GCH1: variants seen among roughly 807,000 people sequenced by gnomAD.
GCH1 encodes the protein GTP cyclohydrolase 1.
In GCH1, 5 loss-of-function variants were observed where a neutral mutation model predicts 25.9. The ratio of observed to expected loss-of-function variants is 0.19; its 90% confidence interval spans 0.10 to 0.41. The LOEUF is 0.41. Ranked by LOEUF, GCH1 falls within the 10% of genes least tolerant of loss-of-function variation. The pLI is 1.00. For missense variants in GCH1, 261 were observed against 336.5 expected (o/e 0.78, Z 1.75); for synonymous variants, 159 against 129.6 (o/e 1.23, Z -1.54).
At chr14:54,867,703 C>T (rs192242554) in intron 1 of GCH1, among the ~76,000 whole-genome samples, 1 of 150,878 alleles carries the variant, frequency 6.6e-6, no homozygotes, top group East Asian at 2.0e-4. Context: ...GCATAAAGTG[C>T]CTGCTTCACA....
intron 1 of GCH1, among the ~76,000 whole-genome samples, chr14:54,889,695 A>C (rs1439709017): frequency 6.6e-6 from 1 of 152,196 alleles, no homozygotes; most frequent in Non-Finnish European, 1.5e-5. Context: ...AACAAAAAGG[A>C]CAGTAAAATA....
intron 1 of GCH1, among the ~76,000 whole-genome samples, chr14:54,878,950 CAG>C (rs762601105): frequency 6.6e-6 from 1 of 152,010 alleles, no homozygotes; most frequent in Non-Finnish European, 1.5e-5. Flanking sequence ...TTTGTAGAGA[CAG>C]AGTCTCATTA....
chr14:54,867,589 C>CAAAAAAAAAAAAAAA (rs1029899399), intron 1 of GCH1, among the ~76,000 whole-genome samples: 15 of 46,646 alleles, frequency 3.2e-4, no homozygotes, highest in South Asian at 1.3e-3. Flanking sequence ...GACTCCGTCT[C>CAAAAAAAAAAAAAAA]AAAAAAAAAA....
At chr14:54,885,941 C>A in intron 1 of GCH1, 1 of 224,506 alleles carries the variant, frequency 4.5e-6, no homozygotes, top group South Asian at 6.1e-5. Flanking sequence ...TACAGCAGTT[C>A]ACACAACAGC....
chr14:54,858,541 C>A (rs976784763), intron 3 of GCH1, among the ~76,000 whole-genome samples: 2 of 152,120 alleles, frequency 1.3e-5, no homozygotes, highest in Non-Finnish European at 2.9e-5. Context: ...CCGCCTCAGC[C>A]TCCCAAAGTG....
At chr14:54,879,471 A>G (rs1057262259) in intron 1 of GCH1, among the ~76,000 whole-genome samples, 1 of 151,102 alleles carries the variant, frequency 6.6e-6, no homozygotes, top group African/African-American at 2.4e-5. Context: ...TGTTGGTAAT[A>G]GCAAAAATAG....
chr14:54,859,647 C>G (rs759578840), intron 3 of GCH1, 34 bp downstream of exon 3: 8 of 1,263,510 alleles, frequency 6.3e-6, no homozygotes, highest in Non-Finnish European at 9.3e-6. Context: ...GTCCTATAAA[C>G]CTGTATTCTT....
At chr14:54,901,603 G>A (rs1029767107) in intron 1 of GCH1, among the ~76,000 whole-genome samples, 1 of 152,198 alleles carries the variant, frequency 6.6e-6, no homozygotes, top group Non-Finnish European at 1.5e-5. Flanking sequence ...TCCGAATCCC[G>A]GAGTAGCTTT....
At chr14:54,880,408 A>G (rs2040229685) in intron 1 of GCH1, among the ~76,000 whole-genome samples, 1 of 131,538 alleles carries the variant, frequency 7.6e-6, no homozygotes, top group South Asian at 2.4e-4. Flanking sequence ...ATAATACATA[A>G]TATATAAAAT....
rs986556708 is a variant in GCH1, at chr14:54,843,377, C to T, written c.*640G>A. ...CGTAAACAACACCAGGAACTAATTCCCTATTCTTGAATTTAAAAACAATAG... is the reference window on the plus strand; with the variant it reads ...CGTAAACAACACCAGGAACTAATTCTCTATTCTTGAATTTAAAAACAATAG... On this transcript the variant is annotated 3_prime_UTR_variant, in exon 6 of 6. Coordinates refer to ENST00000491895, the MANE Select transcript of GCH1 (RefSeq NM_000161.3). 6 of 1,247,346 alleles carry T rather than the reference C, an allele frequency of 4.8e-6. No homozygotes were observed. In the African/African-American group the frequency reaches 7.7e-5, roughly 16 times the overall value. The allele number at this position is 1,247,346 out of a possible 1,614,324, so 77.3% of individuals were successfully genotyped here.
chr14:54,851,343 A>T (rs534802525), intron 3 of GCH1, among the ~76,000 whole-genome samples: 1 of 152,216 alleles, frequency 6.6e-6, no homozygotes, highest in Non-Finnish European at 1.5e-5. Flanking sequence ...CACCAAAAGC[A>T]ATGGCAACAA....
At chr14:54,894,462 C>T (rs1009711708) in intron 1 of GCH1, among the ~76,000 whole-genome samples, 4 of 152,040 alleles carry the variant, frequency 2.6e-5, no homozygotes, top group Admixed American at 1.3e-4. Context: ...ACTTTAGTCT[C>T]TAGAACTGTG....
chr14:54,881,584 CA>C (rs1199136234), intron 1 of GCH1, among the ~76,000 whole-genome samples: 1 of 152,116 alleles, frequency 6.6e-6, no homozygotes, highest in Non-Finnish European at 1.5e-5. Context: ...AGCATGAACC[CA>C]AACATTCCAC....
In GCH1 at chr14:54,843,018, G is replaced by A. The variant is rs568895596; in HGVS notation, c.*999C>T. 9.6e-6 allele frequency: 8 copies of A among 830,298 alleles called. No homozygotes were observed. The highest frequency in any genetic ancestry group is 1.7e-5 in the Non-Finnish European group (8 of 465,688). 51.4% of individuals were successfully genotyped at this position (830,298 alleles called of 1,614,324 possible). A position where few individuals can be genotyped will look rare whatever the true frequency, so the allele number is the denominator to read the frequency against. Reference sequence around the variant, plus strand: ...GTCTTCCACCGTCAGTTCATTCTGTGCTCGTTCAGGTGCGTGGAAGCTATG... The same window carrying A: ...GTCTTCCACCGTCAGTTCATTCTGTACTCGTTCAGGTGCGTGGAAGCTATG... On this transcript the variant is annotated 3_prime_UTR_variant, in exon 6 of 6. Transcript: ENST00000491895.
At chr14:54,866,115 TAA>T (rs778878999) in intron 1 of GCH1, among the ~76,000 whole-genome samples, 3 of 139,320 alleles carry the variant, frequency 2.2e-5, no homozygotes, top group African/African-American at 7.9e-5. Flanking sequence ...CAATAGACAT[TAA>T]AAAAAAAAAA....
At chr14:54,880,477 TAC>T (rs374966175) in intron 1 of GCH1, among the ~76,000 whole-genome samples, 3 of 73,992 alleles carry the variant, frequency 4.1e-5, no homozygotes, top group African/African-American at 9.3e-5. Context: ...TATATATATA[TAC>T]ACTCCATATA....
chr14:54,898,017 A>T (rs1285839204), intron 1 of GCH1, among the ~76,000 whole-genome samples: 1 of 152,220 alleles, frequency 6.6e-6, no homozygotes, highest in Non-Finnish European at 1.5e-5. Context: ...TTCCTAGGCT[A>T]CAAACCTGTA....
In GCH1 at chr14:54,890,412, C is replaced by T. The variant is rs138618986; in HGVS notation, c.343+11909G>A. 7.1e-3 allele frequency among the ~76,000 whole-genome samples: 1,076 copies of T among 152,296 alleles called. 14 individuals are homozygous for T. Among genetic ancestry groups the T allele is most frequent in the African/African-American group, 0.024 (1,006 of 41,566 alleles). On this transcript the variant is annotated intron_variant, in intron 1 of 5. Transcript: ENST00000491895. ...CTTGGGAAGGCTGAGGCAGGAGAATCGCTTGAACCTGGGAGGTGGAGGTTG... is the reference window on the plus strand; with the variant it reads ...CTTGGGAAGGCTGAGGCAGGAGAATTGCTTGAACCTGGGAGGTGGAGGTTG...
intron 3 of GCH1, among the ~76,000 whole-genome samples, chr14:54,847,852 A>G (rs1309142263): frequency 6.6e-6 from 1 of 152,172 alleles, no homozygotes; most frequent in African/African-American, 2.4e-5. Context: ...GTTCCAAATC[A>G]TCAATTTTAG....
Sources: allele counts gnomAD v4.1 joint callset (sites outside exome capture counted in the v4.1 genomes callset), GRCh38; gene constraint gnomAD v4.1.1; transcripts MANE v1.5; gene names NCBI Gene and HGNC (gene_info 2026-07-23, HGNC 2026-07-21).